The following PPP2R1A variants were observed in gnomAD, a reference collection of about 807,000 sequenced individuals.
PPP2R1A encodes protein phosphatase 2 scaffold subunit Aalpha, also known as serine/threonine-protein phosphatase 2A 65 kDa regulatory subunit A alpha isoform.
PPP2R1A carries 15 observed loss-of-function variants against 67.1 expected under a neutral mutation model. That is an observed-to-expected ratio of 0.22 (90% confidence interval 0.15 to 0.34). The LOEUF is 0.34. PPP2R1A is among the 10% of genes least tolerant of loss of function. The pLI is 1.00. For synonymous variants in PPP2R1A, 337 were observed against 325.0 expected, an observed-to-expected ratio of 1.04 and a Z score of -0.40; for missense variants, 369 against 775.0, an observed-to-expected ratio of 0.48 and a Z score of 6.22.
rs777978846 is a variant in PPP2R1A, at chr19:52,219,798, T to A, written c.1236T>A (p.Ala412=). Residue 412 remains alanine (A), a synonymous_variant, in exon 10 of 15, where the codon GCT becomes GCA. Transcript: ENST00000322088. The surrounding 1 kb of genome is among the most constrained non-coding windows in gnomAD (Gnocchi z 4.0). ...QSLLPAIVEL[A]EDAKWRVRLA... ...TGCTCCCTGCCATTGTGGAGCTGGC[T>A]GAGGACGCCAAGTGGCGGGTGCGGC... The A allele has an allele frequency of 3.1e-6, 5 of 1,613,984 alleles. No individual in the cohort carries two copies. In the South Asian group the frequency reaches 5.5e-5, roughly 18 times the overall value.
chr19:52,209,338 C>T (rs1183706643), intron 3 of PPP2R1A, among the ~76,000 whole-genome samples: 1 of 152,090 alleles, frequency 6.6e-6, no homozygotes, highest in Non-Finnish European at 1.5e-5. Context: ...CCAGTCACAC[C>T]GCACCTATGG....
At position 52,216,474 on chromosome 19, in the gene PPP2R1A, A is replaced by G; in HGVS notation, c.994-55A>G. On this transcript the variant is annotated intron_variant, in intron 8 of 14. Coordinates refer to ENST00000322088, the MANE Select transcript of PPP2R1A (RefSeq NM_014225.6). This position sits in a 1 kb window ranked among gnomAD's most constrained non-coding sequence, Gnocchi z 4.3. ...CTTAGGAGTTGGCATCTGCTTAGCC[A>G]CTTGCTGCTGCAGGGGTTGCACTGA... The G allele has an allele frequency of 6.2e-7, 1 of 1,609,336 alleles. No homozygotes were observed. Among genetic ancestry groups the G allele is most frequent in the Non-Finnish European group, 8.5e-7 (1 of 1,176,660 alleles).
Position 52,190,437 on chromosome 19 carries a change from A to G in PPP2R1A, c.78+263A>G, listed in dbSNP as rs2089442975. The G allele has an allele frequency of 5.4e-6, 3 of 557,174 alleles. No individual in the cohort carries two copies. In the South Asian group the frequency reaches 6.1e-5, roughly 11 times the overall value. The allele number at this position is 557,174 out of a possible 1,614,324, so 34.5% of individuals were successfully genotyped here. A position where few individuals can be genotyped will look rare whatever the true frequency, so the allele number is the denominator to read the frequency against. On this transcript the variant is annotated intron_variant, in intron 1 of 14. Transcript: ENST00000322088. ...GCGCGCGGCGGTCCGCGGTCCTGGG[A>G]GGTTGTGGCCAGGGCTGGGGTCTGC...
chr19:52,216,492 T>C lies in PPP2R1A; in HGVS notation c.994-37T>C. ...CTTAGCCACTTGCTGCTGCAGGGGT[T>C]GCACTGACCCCTGTGCCTGCCTCTT... is the stretch of plus-strand genomic sequence containing the variant. On this transcript the variant is annotated intron_variant, in intron 8 of 14. Coordinates refer to ENST00000322088, the MANE Select transcript of PPP2R1A (RefSeq NM_014225.6). The surrounding 1 kb of genome is among the most constrained non-coding windows in gnomAD (Gnocchi z 4.3). The C allele has an allele frequency of 6.2e-7, 1 of 1,613,562 alleles. No individual in the cohort carries two copies. Among genetic ancestry groups the C allele is most frequent in the Non-Finnish European group, 8.5e-7 (1 of 1,179,744 alleles).
intron 9 of PPP2R1A, among the ~76,000 whole-genome samples, chr19:52,218,874 C>G (rs958973659): frequency 3.9e-5 from 6 of 152,150 alleles, no homozygotes; most frequent in African/African-American, 1.4e-4. Context: ...TGGCAGCCAG[C>G]CTGTCTCAGG....
chr19:52,200,217 C>T (rs1449535391), intron 1 of PPP2R1A: 3 of 152,262 alleles, frequency 2.0e-5, no homozygotes, highest in Non-Finnish European at 4.4e-5. Context: ...CTCTCCCCCT[C>T]ATGAAAGCAT....
intron 13 of PPP2R1A, 44 bp downstream of exon 13, chr19:52,222,285 T>C (rs1255108905): frequency 6.3e-7 from 1 of 1,592,370 alleles, no homozygotes; most frequent in Non-Finnish European, 8.6e-7. Context: ...GGGCTTCTTG[T>C]GGGCACCTTA....
In PPP2R1A at chr19:52,221,096, A is replaced by G. The variant is rs1285312270; in HGVS notation, c.1481A>G (p.Asn494Ser). The G allele has an allele frequency of 1.9e-6, 3 of 1,614,210 alleles. No individual in the cohort carries two copies. Among genetic ancestry groups the G allele is most frequent in the African/African-American group, 1.3e-5 (1 of 75,058 alleles). The change falls in exon 12 of 15, where the codon AAC becomes AGC. Residue 494 changes from asparagine to serine, a missense_variant. Physicochemically the swap from Asn to Ser is conservative, Grantham distance 46 (BLOSUM62 1). Transcript: ENST00000322088. ...PKVLAMSGDPNYLHRMTTLFC... is the reference protein window; with the variant it reads ...PKVLAMSGDPSYLHRMTTLFC... ...GTCTTGGCCATGTCCGGAGACCCCA[A>G]CTACCTGCACCGCATGACTACGCTC... is the stretch of plus-strand genomic sequence containing the variant.
Position 52,212,344 on chromosome 19 carries a change from CAA to C in PPP2R1A, c.504-340_504-339del. 2 of 278,176 alleles carry C rather than the reference CAA, an allele frequency of 7.2e-6. No homozygotes were observed. Among genetic ancestry groups the C allele is most frequent in the Non-Finnish European group, 1.4e-5 (2 of 145,022 alleles). The allele number at this position is 278,176 out of a possible 1,614,324, so 17.2% of individuals were successfully genotyped here. A position where few individuals can be genotyped will look rare whatever the true frequency, so the allele number is the denominator to read the frequency against. On this transcript the variant is annotated intron_variant, in intron 4 of 14. Coordinates refer to ENST00000322088, the MANE Select transcript of PPP2R1A (RefSeq NM_014225.6). This position sits in a 1 kb window ranked among gnomAD's most constrained non-coding sequence, Gnocchi z 4.1. The stretch of plus-strand genomic sequence containing the variant: ...AAGCAATCCTCCTGCCTTGGTCTTC[CAA>C]AGTGTTCAGATTACAGGTATGAGCC...
At chr19:52,210,107 G>A (rs1270815034) in intron 3 of PPP2R1A, among the ~76,000 whole-genome samples, 1 of 151,474 alleles carries the variant, frequency 6.6e-6, no homozygotes, top group Non-Finnish European at 1.5e-5. Context: ...TTTTTTTCCT[G>A]CTTTAAATAC....
chr19:52,209,279 G>T (rs779428102), intron 3 of PPP2R1A, among the ~76,000 whole-genome samples: 1 of 152,116 alleles, frequency 6.6e-6, no homozygotes, highest in Non-Finnish European at 1.5e-5. Flanking sequence ...GCCAGCCCAG[G>T]TGGTGGGAGA....
chr19:52,220,096 AG>A, intron 10 of PPP2R1A, 92 bp from the exon 11 acceptor site: 2 of 1,401,754 alleles, frequency 1.4e-6, no homozygotes, highest in Admixed American at 1.7e-5. Context: ...CGGTCTTTCT[AG>A]GGTGGGTGTA....
chr19:52,215,724 C>T, intron 6 of PPP2R1A, 55 bp from the exon 7 acceptor site: 1 of 1,487,382 alleles, frequency 6.7e-7, no homozygotes, highest in Non-Finnish European at 9.4e-7. Flanking sequence ...GCTTCCTTAG[C>T]CCAGAGTAAA....
At chr19:52,214,237 A>AGGAGAGAGGGCAGGGTGGGATC (rs557284316) in intron 6 of PPP2R1A, among the ~76,000 whole-genome samples, 3 of 152,038 alleles carry the variant, frequency 2.0e-5, no homozygotes, top group African/African-American at 7.2e-5. Flanking sequence ...GAGAGAAAGC[A>AGGAGAGAGGGCAGGGTGGGATC]GGAGAGAGGG....
chr19:52,193,052 A>G (rs1051688423), intron 1 of PPP2R1A, among the ~76,000 whole-genome samples: 2 of 152,242 alleles, frequency 1.3e-5, no homozygotes, highest in African/African-American at 4.8e-5. Flanking sequence ...TGCTTGCTCT[A>G]TGTTAGGTAC....
rs1435362646 is a variant in PPP2R1A, at chr19:52,213,026, G to A, written c.723G>A (p.Glu241=). The A allele has an allele frequency of 6.2e-7, 1 of 1,612,252 alleles. No individual in the cohort carries two copies. Among genetic ancestry groups the A allele is most frequent in the Non-Finnish European group, 8.5e-7 (1 of 1,179,610 alleles). ...IAQLLPQEDL[E]ALVMPTLRQA... ...AGCTTCTGCCCCAGGAGGATCTGGA[G>A]GCCCTGGTGATGCCCACTCTGCGCC... is the stretch of plus-strand genomic sequence containing the variant. The change falls in exon 6 of 15, where the codon GAG becomes GAA. Residue 241 remains glutamate, a synonymous_variant. Coordinates refer to ENST00000322088, the MANE Select transcript of PPP2R1A (RefSeq NM_014225.6). The surrounding 1 kb of genome is among the most constrained non-coding windows in gnomAD (Gnocchi z 4.2).
intron 7 of PPP2R1A, 27 bp from the exon 8 acceptor site, chr19:52,215,977 C>T: frequency 6.2e-7 from 1 of 1,612,102 alleles, no homozygotes; most frequent in Non-Finnish European, 8.5e-7. Context: ...GTCTCACTTC[C>T]CTTTGCCTCC....
intron 1 of PPP2R1A, among the ~76,000 whole-genome samples, chr19:52,196,519 C>G (rs1568585837): frequency 6.6e-6 from 1 of 152,162 alleles, no homozygotes; most frequent in Non-Finnish European, 1.5e-5. Context: ...TTCCCTCCTC[C>G]CTTTTATGAA....
At chr19:52,190,283 C>T (rs1477571423) in intron 1 of PPP2R1A, 109 bp downstream of exon 1, 18 of 1,275,244 alleles carry the variant, frequency 1.4e-5, no homozygotes, top group Non-Finnish European at 1.9e-5. Flanking sequence ...AAGGGGGCGA[C>T]GGCCAATCAG....
Sources: allele counts gnomAD v4.1 joint callset (sites outside exome capture counted in the v4.1 genomes callset), GRCh38; gene constraint gnomAD v4.1.1; non-coding constraint Gnocchi (gnomAD v3.1); transcripts MANE v1.5; gene names NCBI Gene and HGNC (gene_info 2026-07-23, HGNC 2026-07-21).